The following ERC2 variants were observed in gnomAD, a reference collection of about 807,000 sequenced individuals.
ERC2 encodes the protein ELKS/RAB6-interacting/CAST family member 2.
A neutral mutation model predicts 114.8 loss-of-function variants in ERC2; 42 were observed. The observed-to-expected ratio is 0.37, with a 90% confidence interval of 0.29 to 0.47. ERC2 has a LOEUF of 0.47. Among genes scored for constraint, ERC2 ranks in the 20% least tolerant of loss-of-function variants. The pLI is 0.99. For synonymous variants in ERC2, 454 were observed against 425.5 expected (o/e 1.07, Z -0.82); for missense variants, 939 against 1,150.7 (o/e 0.82, Z 2.66).
chr3:55,897,131 T>C (rs1354118621), intron 13 of ERC2, among the ~76,000 whole-genome samples: 1 of 152,210 alleles, frequency 6.6e-6, no homozygotes, highest in Non-Finnish European at 1.5e-5. Context: ...CTTAAATCAT[T>C]AACATGTGTC....
rs181217495 is a variant in ERC2 at position 56,250,611 on chromosome 3, C to G, written c.1074+45408G>C. ...TTTGGCTTCTCACCCACTCCACATA[C>G]GCACACATATTCAGGTAATTCAGGA... On this transcript the variant is annotated intron_variant, in intron 3 of 17. Transcript: ENST00000288221. 3.3e-3 allele frequency among the ~76,000 whole-genome samples: 501 copies of G among 152,038 alleles called. 4 individuals are homozygous for G. The highest frequency in any genetic ancestry group is 0.012 in the African/African-American group (486 of 41,552).
At chr3:55,918,061 G>A (rs1164705677) in intron 13 of ERC2, among the ~76,000 whole-genome samples, 1 of 151,962 alleles carries the variant, frequency 6.6e-6, no homozygotes, top group African/African-American at 2.4e-5. Context: ...GGGCCTCAGA[G>A]TCCCAGTATA....
intron 2 of ERC2, among the ~76,000 whole-genome samples, chr3:56,415,659 G>C (rs1043253267): frequency 6.6e-6 from 1 of 152,162 alleles, no homozygotes; most frequent in Non-Finnish European, 1.5e-5. Flanking sequence ...TATAGGGATG[G>C]TAATTAGTAT....
intron 7 of ERC2, among the ~76,000 whole-genome samples, chr3:56,032,917 A>AAGAAAGAGAGAGAGAC (rs2074482382): frequency 3.9e-5 from 3 of 76,042 alleles, no homozygotes; most frequent in South Asian, 5.4e-4. Flanking sequence ...GAAAGAAAGA[A>AAGAAAGAGAGAGAGAC]AGAAAGAAAG....
chr3:55,893,306 C>G (rs534924743), intron 13 of ERC2, among the ~76,000 whole-genome samples: 1 of 152,250 alleles, frequency 6.6e-6, no homozygotes, highest in East Asian at 1.9e-4. Context: ...CTGGGTCTTT[C>G]TCCTTGTGAC....
intron 14 of ERC2, among the ~76,000 whole-genome samples, chr3:55,739,190 T>C (rs1276228920): frequency 6.6e-6 from 1 of 152,236 alleles, no homozygotes; most frequent in Admixed American, 6.5e-5. Context: ...CCCAAGTCTT[T>C]GCTATTGTGA....
Position 56,080,912 on chromosome 3 carries a change from G to A in ERC2, c.1546C>T (p.Leu516Phe), listed in dbSNP as rs2077197764. Residue 516 changes from leucine to phenylalanine, a missense_variant, in exon 7 of 18, where the codon CTC (leucine) becomes TTC (phenylalanine). Coordinates refer to ENST00000288221, the MANE Select transcript of ERC2 (RefSeq NM_015576.3). ...GCCAGTGTCCCCTTCTCTTCTGTGA[G>A]GTCCTGTAGCTGTTTTGTTTTTTTA... ...LNKKTKQLQDLTEEKGTLAGE... is the reference protein window; with the variant it reads ...LNKKTKQLQDFTEEKGTLAGE... 1.2e-6 allele frequency: 2 copies of A among 1,613,590 alleles called. No homozygotes were observed. Among genetic ancestry groups the A allele is most frequent in the Non-Finnish European group, 1.7e-6 (2 of 1,179,724 alleles).
chr3:55,540,350 C>G (rs964352932), intron 17 of ERC2, among the ~76,000 whole-genome samples: 1 of 152,168 alleles, frequency 6.6e-6, no homozygotes, highest in Admixed American at 6.5e-5. Flanking sequence ...TCATTTCACA[C>G]CTTACTCTTC....
At chr3:56,086,469 C>T (rs10510781) in intron 6 of ERC2, among the ~76,000 whole-genome samples, 20,263 of 151,000 alleles carry the variant, frequency 0.13, 1,445 homozygotes, top group East Asian at 0.16. Context: ...AAGTTTTGCA[C>T]TAGAAATGGG....
At chr3:56,433,135 C>T (rs2061863719) in intron 2 of ERC2, among the ~76,000 whole-genome samples, 2 of 146,638 alleles carry the variant, frequency 1.4e-5, no homozygotes, top group Admixed American at 1.4e-4. Flanking sequence ...CTATGATCAA[C>T]GTCACTACAC....
At chr3:56,417,583 T>C in intron 2 of ERC2, among the ~76,000 whole-genome samples, 1 of 152,140 alleles carries the variant, frequency 6.6e-6, no homozygotes, top group East Asian at 1.9e-4. Context: ...CTATAAAGGG[T>C]AAAGAACAAT....
chr3:56,267,774 A>G (rs2053416084), intron 3 of ERC2, among the ~76,000 whole-genome samples: 1 of 152,148 alleles, frequency 6.6e-6, no homozygotes, highest in African/African-American at 2.4e-5. Context: ...GCGGAACTCC[A>G]TCTCAAAAAC....
intron 1 of ERC2, among the ~76,000 whole-genome samples, chr3:56,443,184 AAG>A (rs1451706837): frequency 6.6e-6 from 1 of 152,260 alleles, no homozygotes; most frequent in Non-Finnish European, 1.5e-5. Flanking sequence ...AGGCTGCAGT[AAG>A]AGGCTGTGGA....
At chr3:55,540,070 AG>A (rs2054292751) in intron 17 of ERC2, among the ~76,000 whole-genome samples, 1 of 152,110 alleles carries the variant, frequency 6.6e-6, no homozygotes, top group Non-Finnish European at 1.5e-5. Context: ...CAGGATCCCA[AG>A]GGCATCTTAG....
intron 17 of ERC2, among the ~76,000 whole-genome samples, chr3:55,634,750 A>G (rs1278381653): frequency 6.6e-6 from 1 of 152,218 alleles, no homozygotes; most frequent in Non-Finnish European, 1.5e-5. Context: ...GTCTAGAATG[A>G]GCATTAAAAG....
intron 14 of ERC2, among the ~76,000 whole-genome samples, chr3:55,834,930 C>G (rs1055452497): frequency 6.6e-6 from 1 of 150,514 alleles, no homozygotes; most frequent in African/African-American, 2.5e-5. Flanking sequence ...CACCACCGAT[C>G]CCACAGAAAT....
intron 7 of ERC2, among the ~76,000 whole-genome samples, chr3:56,031,231 G>T (rs2149622588): frequency 6.6e-6 from 1 of 152,294 alleles, no homozygotes; most frequent in Non-Finnish European, 1.5e-5. Flanking sequence ...CAGACAACAG[G>T]CTCATCCCTG....
At chr3:55,883,191 A>G (rs772528773) in intron 14 of ERC2, among the ~76,000 whole-genome samples, 4 of 152,240 alleles carry the variant, frequency 2.6e-5, no homozygotes, top group Non-Finnish European at 5.9e-5. Flanking sequence ...TGACAGATTC[A>G]CAATATCCAA....
intron 14 of ERC2, among the ~76,000 whole-genome samples, chr3:55,759,610 A>G (rs1352662451): frequency 1.3e-5 from 2 of 151,976 alleles, no homozygotes; most frequent in African/African-American, 4.8e-5. Context: ...CTGAAGTATG[A>G]TGAAGATTGT....
Sources: gnomAD v4.1 joint callset for allele counts (sites outside exome capture counted in the v4.1 genomes callset) on GRCh38, gnomAD v4.1.1 for gene constraint, MANE v1.5 for transcripts, NCBI Gene and HGNC (gene_info 2026-07-23, HGNC 2026-07-21) for gene names.